The following FAM53A variants were observed in gnomAD, a reference collection of about 807,000 sequenced individuals.
FAM53A encodes protein FAM53A.
A neutral mutation model predicts 26.6 loss-of-function variants in FAM53A; 28 were observed. The observed-to-expected ratio is 1.05, with a 90% CI of 0.78 to 1.45. The LOEUF (loss-of-function observed/expected upper bound fraction) is 1.45, where lower values mean the gene tolerates loss of function less well. Ranked by LOEUF, FAM53A falls within the 40% of genes most tolerant of loss-of-function variation. The pLI is 0.00. For synonymous variants in FAM53A, 290 were observed against 253.1 expected, an observed-to-expected ratio of 1.15 and a Z score of -1.38; for missense variants, 650 against 575.8, an observed-to-expected ratio of 1.13 and a Z score of -1.32.
Position 1,625,614 on chromosome 4 carries a change from ACGTGG to A in FAM53A, c.432-7508_432-7504del, listed in dbSNP as rs1174312758. 2.9e-4 allele frequency among the ~76,000 whole-genome samples: 26 copies of A among 88,652 alleles called. 7 individuals are homozygous for A. Among genetic ancestry groups the A allele is most frequent in the African/African-American group, 1.0e-3 (22 of 21,962 alleles). The allele number at this position is 88,652 out of a possible 152,430, so 58.2% of individuals were successfully genotyped here. A position where few individuals can be genotyped will look rare whatever the true frequency, so the allele number is the denominator to read the frequency against. Reference sequence around the variant, plus strand: ...ATCAGAAGCCCCCATGTCCCGACCCACGTGGTCAGGGTCACGCCAGGTGATCAGAA... The same window carrying A: ...ATCAGAAGCCCCCATGTCCCGACCCATCAGGGTCACGCCAGGTGATCAGAA... On this transcript the variant is annotated intron_variant, in intron 1 of 1. Coordinates refer to the FAM53A transcript ENST00000489029.
chr4:1,643,726 C>T (rs944613706), intron 4 of FAM53A, among the ~76,000 whole-genome samples: 5 of 151,706 alleles, frequency 3.3e-5, no homozygotes, highest in African/African-American at 4.8e-5. Flanking sequence ...ACCATCATGC[C>T]GGTCTAATTT....
At chr4:1,634,911 A>AAT (rs1319485381), downstream of FAM53A, among the ~76,000 whole-genome samples, 1 of 151,992 alleles carries the variant, frequency 6.6e-6, no homozygotes, top group African/African-American at 2.4e-5. Context: ...AAAAAAAAAA[A>AAT]AATAAAAAAA....
downstream of FAM53A, among the ~76,000 whole-genome samples, chr4:1,617,110 C>CACTCCAGGA (rs1219611208): frequency 6.6e-6 from 1 of 151,084 alleles, no homozygotes; most frequent in Non-Finnish European, 1.5e-5. Flanking sequence ...GCACTCCAGG[C>CACTCCAGGA]AACAGAGGGA....
At chr4:1,587,613 A>G in the FAM53A span, among the ~76,000 whole-genome samples, 2 of 152,312 alleles carry the variant, frequency 1.3e-5, no homozygotes, top group African/African-American at 4.8e-5. Context: ...CAGAAGTTGC[A>G]GTGAGCTGAG....
At chr4:1,663,797 C>T (rs1016080447) in intron 2 of FAM53A, among the ~76,000 whole-genome samples, 4 of 151,324 alleles carry the variant, frequency 2.6e-5, no homozygotes, top group Non-Finnish European at 5.9e-5. Flanking sequence ...AGCAAGACCC[C>T]GTCTCTACCA....
chr4:1,598,804 C>T, the FAM53A span, among the ~76,000 whole-genome samples: 1 of 152,238 alleles, frequency 6.6e-6, no homozygotes, highest in Non-Finnish European at 1.5e-5. Context: ...TGGAGCCCGG[C>T]GGGCGGAGCG....
upstream of FAM53A, among the ~76,000 whole-genome samples, chr4:1,684,621 C>T (rs1715694315): frequency 1.3e-5 from 2 of 151,898 alleles, no homozygotes; most frequent in Non-Finnish European, 2.9e-5. Context: ...GCGGCGGCGA[C>T]CTGAGGCGGC....
the FAM53A span, among the ~76,000 whole-genome samples, chr4:1,597,248 G>A: frequency 0.045 from 6,839 of 152,044 alleles, 504 homozygotes; most frequent in African/African-American, 0.15. Context: ...GGTCCCCCTC[G>A]AGGGTCCCCT....
At chr4:1,620,217 A>T (rs1488095392) in intron 1 of FAM53A, among the ~76,000 whole-genome samples, 1 of 151,914 alleles carries the variant, frequency 6.6e-6, no homozygotes, top group East Asian at 1.9e-4. Flanking sequence ...AAAAAAAAAA[A>T]AAATTAATTA....
At chr4:1,622,005 A>C (rs1715059706) in intron 1 of FAM53A, among the ~76,000 whole-genome samples, 1 of 152,162 alleles carries the variant, frequency 6.6e-6, no homozygotes, top group Admixed American at 6.5e-5. Flanking sequence ...CACATATTAA[A>C]GGGCAGGTTC....
intron 1 of FAM53A, among the ~76,000 whole-genome samples, chr4:1,625,686 G>T (rs1715263407): frequency 7.1e-6 from 1 of 141,654 alleles, no homozygotes; most frequent in Admixed American, 7.0e-5. Context: ...CACGCCAGGT[G>T]ATCAGAAGGC....
At chr4:1,636,484 G>A (rs1384516885), downstream of FAM53A, among the ~76,000 whole-genome samples, 2 of 152,234 alleles carry the variant, frequency 1.3e-5, no homozygotes, top group Non-Finnish European at 2.9e-5. Context: ...CCCCGTTCAC[G>A]GGAGATCCCG....
chr4:1,589,768 T>G, the FAM53A span, among the ~76,000 whole-genome samples: 1 of 152,316 alleles, frequency 6.6e-6, no homozygotes, highest in Non-Finnish European at 1.5e-5. Flanking sequence ...TCCATTTTTA[T>G]TCTATATTTA....
At chr4:1,599,287 G>A in the FAM53A span, among the ~76,000 whole-genome samples, 1 of 49,728 alleles carries the variant, frequency 2.0e-5, no homozygotes, top group Non-Finnish European at 6.8e-5. The surrounding 1 kb of genome is among the most constrained non-coding windows in gnomAD (Gnocchi z 6.1). Context: ...CCAGGGTGCC[G>A]GAGCTCAGGG....
the FAM53A span, among the ~76,000 whole-genome samples, chr4:1,594,595 C>G: frequency 1.3e-5 from 2 of 152,228 alleles, no homozygotes; most frequent in Non-Finnish European, 2.9e-5. Flanking sequence ...GTAATCCCAG[C>G]ACTTTGGGAG....
chr4:1,618,925 A>G (rs556744891), intron 1 of FAM53A, among the ~76,000 whole-genome samples: 2 of 152,230 alleles, frequency 1.3e-5, no homozygotes, highest in East Asian at 1.9e-4. Context: ...CCACAAGCTC[A>G]CCTCAGTGAA....
At chr4:1,586,415 A>C in the FAM53A span, among the ~76,000 whole-genome samples, 7 of 151,844 alleles carry the variant, frequency 4.6e-5, no homozygotes, top group Non-Finnish European at 7.4e-5. Context: ...GGCTGGTCTC[A>C]AACTCCTGAC....
chr4:1,602,049 T>A, the FAM53A span, among the ~76,000 whole-genome samples: 2 of 145,278 alleles, frequency 1.4e-5, no homozygotes, highest in Admixed American at 1.4e-4. Flanking sequence ...CCGGGGGAGA[T>A]GGGACGGTGG....
chr4:1,665,601 C>T (rs1038083826), intron 2 of FAM53A, among the ~76,000 whole-genome samples: 4 of 152,142 alleles, frequency 2.6e-5, no homozygotes, highest in Non-Finnish European at 5.9e-5. Flanking sequence ...AAACAGGAGT[C>T]ATTGGGAAAA....
Sources: gnomAD v4.1 joint callset for allele counts (sites outside exome capture counted in the v4.1 genomes callset) on GRCh38, gnomAD v4.1.1 for gene constraint, Gnocchi (gnomAD v3.1) non-coding constraint, MANE v1.5 for transcripts, NCBI Gene and HGNC (gene_info 2026-07-23, HGNC 2026-07-21) for gene names.